The following EIF4G3 variants were observed in gnomAD, a reference collection of about 807,000 sequenced individuals.
EIF4G3 encodes eukaryotic translation initiation factor 4 gamma 3, also known as eIF-4-gamma 3.
A neutral mutation model predicts 186.4 loss-of-function variants in EIF4G3; 34 were observed. That is an observed-to-expected ratio of 0.18 (90% CI 0.14 to 0.24). The LOEUF (loss-of-function observed/expected upper bound fraction) is 0.24, where lower values mean the gene tolerates loss of function less well. Among genes scored for constraint, EIF4G3 ranks in the 10% least tolerant of loss-of-function variants. The probability of loss-of-function intolerance (pLI) is 1.00; values close to 1 mark genes in which losing one functional copy is unlikely to be tolerated. For missense variants in EIF4G3, 1,536 were observed against 1,948.5 expected (o/e 0.79, Z 3.99); for synonymous variants, 673 against 679.5 (o/e 0.99, Z 0.15).
rs767235614 is a variant in EIF4G3, at chr1:21,002,775, T to C, written c.-33A>G. ...GGGGTTTGAGGGTATACCAGCGTGGTTGGACCTGCATTCTGTCCAGAGGGA... is the reference window on the plus strand; with the variant it reads ...GGGGTTTGAGGGTATACCAGCGTGGCTGGACCTGCATTCTGTCCAGAGGGA... On this transcript the variant is annotated 5_prime_UTR_variant, in exon 5 of 37. Coordinates refer to ENST00000602326, the MANE Select transcript of EIF4G3 (RefSeq NM_001391906.1). The C allele has an allele frequency of 4.5e-5, 73 of 1,613,674 alleles. 1 individual carries two copies. Among genetic ancestry groups the C allele is most frequent in the South Asian group, 1.6e-4 (15 of 91,026 alleles).
chr1:20,927,801 A>G (rs745344473), intron 14 of EIF4G3, among the ~76,000 whole-genome samples: 17 of 152,180 alleles, frequency 1.1e-4, no homozygotes, highest in East Asian at 1.9e-4. Flanking sequence ...TGCCGGCCCA[A>G]CTGGATATTT....
Position 20,942,053 on chromosome 1 carries a change from A to C in EIF4G3, c.1101T>G (p.Ile367Met). 1 of 1,614,208 alleles carries C rather than the reference A, an allele frequency of 6.2e-7. No individual in the cohort carries two copies. The change falls in exon 14 of 37, where the codon ATT (isoleucine) becomes ATG (methionine). Residue 367 changes from isoleucine to methionine, a missense_variant. Physicochemically the swap from Ile to Met is conservative, Grantham distance 10. Coordinates refer to ENST00000602326, the MANE Select transcript of EIF4G3 (RefSeq NM_001391906.1). ...CELSSPREDT[I>M]PIPSLTSCTE... ...TGCAAGATGTGAGGCTGGGTATAGG[A>C]ATTGTGTCTTCTCTTGGGGATGAGA...
At chr1:21,154,789 C>T (rs1573460184) in intron 2 of EIF4G3, among the ~76,000 whole-genome samples, 1 of 152,150 alleles carries the variant, frequency 6.6e-6, no homozygotes, top group African/African-American at 2.4e-5. Flanking sequence ...ATCTATATAT[C>T]TCTTTAGCAG....
intron 28 of EIF4G3, 36 bp downstream of exon 28, chr1:20,851,222 A>C (rs183877445): frequency 2.5e-6 from 4 of 1,595,988 alleles, no homozygotes; most frequent in Non-Finnish European, 3.4e-6. Flanking sequence ...CAAATTTAAA[A>C]CCCAAATCTG....
rs192735754 is a variant in EIF4G3, at chr1:21,168,935, T to C, written c.-272+7240A>G. On this transcript the variant is annotated intron_variant, in intron 2 of 36. Transcript: ENST00000602326. ...ACACATGCCTGTAATCCCAGAACTT[T>C]GGGAGGCCAAGGTGAGCAGGTGGCT... is the stretch of plus-strand genomic sequence containing the variant. Among the ~76,000 whole-genome samples the C allele has an allele frequency of 1.7e-3, 266 of 152,094 alleles. 2 individuals carry two copies. The highest frequency in any genetic ancestry group is 6.1e-3 in the African/African-American group (252 of 41,482).
At chr1:20,860,944 T>A (rs1202644965) in intron 23 of EIF4G3, among the ~76,000 whole-genome samples, 1 of 152,224 alleles carries the variant, frequency 6.6e-6, no homozygotes, top group Non-Finnish European at 1.5e-5. Flanking sequence ...TCAGATCATA[T>A]CACATTCCAT....
At chr1:21,168,825 C>CATT (rs1388971930) in intron 2 of EIF4G3, among the ~76,000 whole-genome samples, 3 of 151,688 alleles carry the variant, frequency 2.0e-5, no homozygotes, top group African/African-American at 7.3e-5. Flanking sequence ...TGTATGACCA[C>CATT]TAATATTAAA....
chr1:21,159,479 G>A (rs1196251395), intron 2 of EIF4G3, among the ~76,000 whole-genome samples: 1 of 151,446 alleles, frequency 6.6e-6, no homozygotes, highest in East Asian at 1.9e-4. Flanking sequence ...GCTCACGCCT[G>A]TAATCCCAGC....
intron 2 of EIF4G3, among the ~76,000 whole-genome samples, chr1:21,117,396 TA>T (rs1366042163): frequency 6.6e-6 from 1 of 151,840 alleles, no homozygotes; most frequent in Non-Finnish European, 1.5e-5. Flanking sequence ...TGACAAAGAG[TA>T]ATTTCAACAA....
intron 2 of EIF4G3, among the ~76,000 whole-genome samples, chr1:21,118,894 C>T (rs1178982585): frequency 7.4e-6 from 1 of 135,106 alleles, no homozygotes; most frequent in Non-Finnish European, 1.5e-5. Context: ...AGCCACTACA[C>T]TCCAGCCTAG....
intron 14 of EIF4G3, among the ~76,000 whole-genome samples, chr1:20,926,552 T>C (rs1305513841): frequency 6.6e-6 from 1 of 152,002 alleles, no homozygotes. Flanking sequence ...GCATCTGTGG[T>C]TCCAGCTACT....
intron 16 of EIF4G3, among the ~76,000 whole-genome samples, chr1:20,895,756 T>C (rs1572357034): frequency 6.6e-6 from 1 of 152,210 alleles, no homozygotes; most frequent in East Asian, 1.9e-4. Context: ...TGCCAGTCAT[T>C]TAAAAGTATA....
At chr1:21,001,038 T>TC (rs2083403026) in intron 6 of EIF4G3, among the ~76,000 whole-genome samples, 161 bp downstream of exon 6, 1 of 152,214 alleles carries the variant, frequency 6.6e-6, no homozygotes, top group Admixed American at 6.5e-5. Flanking sequence ...GTTATTCTTT[T>TC]CCCCACTATG....
intron 30 of EIF4G3, among the ~76,000 whole-genome samples, chr1:20,838,569 T>G (rs181031447): frequency 3.8e-4 from 58 of 152,328 alleles, no homozygotes; most frequent in African/African-American, 1.3e-3. Context: ...CTTTTAAAAC[T>G]GGGAAACCAT....
intron 16 of EIF4G3, among the ~76,000 whole-genome samples, chr1:20,896,519 T>C (rs2088177440): frequency 1.3e-5 from 2 of 151,080 alleles, no homozygotes; most frequent in South Asian, 4.2e-4. Context: ...TTAAGCTAAA[T>C]ATTATTATAA....
chr1:21,007,093 C>A (rs982219782), intron 4 of EIF4G3, among the ~76,000 whole-genome samples: 1 of 151,960 alleles, frequency 6.6e-6, no homozygotes, highest in African/African-American at 2.4e-5. Context: ...ACTAAGCTGC[C>A]AAATTTTCAA....
chr1:20,983,275 G>C, intron 7 of EIF4G3, among the ~76,000 whole-genome samples: 1 of 152,146 alleles, frequency 6.6e-6, no homozygotes, highest in East Asian at 1.9e-4. Context: ...GGAAACCAAA[G>C]GGGCAGGCCA....
At chr1:20,981,404 C>G (rs1241581510) in intron 8 of EIF4G3, among the ~76,000 whole-genome samples, 177 bp from the exon 9 acceptor site, 1 of 151,904 alleles carries the variant, frequency 6.6e-6, no homozygotes. Context: ...CACACTAGGG[C>G]AAGCTCTTAT....
intron 7 of EIF4G3, among the ~76,000 whole-genome samples, chr1:20,985,598 G>C (rs1248236318): frequency 6.6e-6 from 1 of 151,888 alleles, no homozygotes; most frequent in African/African-American, 2.4e-5. Context: ...TAATAGTAAT[G>C]CAAGAAATTC....
Sources: allele counts gnomAD v4.1 joint callset (sites outside exome capture counted in the v4.1 genomes callset), GRCh38; gene constraint gnomAD v4.1.1; transcripts MANE v1.5; gene names NCBI Gene and HGNC (gene_info 2026-07-23, HGNC 2026-07-21).